TSGA10: variants seen among roughly 807,000 people sequenced by gnomAD.
TSGA10 encodes the protein testis-specific gene 10 protein.
Under a neutral mutation model 96.6 loss-of-function variants are expected in TSGA10, and 43 were observed. The observed-to-expected ratio is 0.44, with a 90% confidence interval of 0.35 to 0.57. The LOEUF is 0.57. TSGA10 is among the 20% of genes least tolerant of loss of function. The probability of loss-of-function intolerance (pLI) is 0.01; values close to 1 mark genes in which losing one functional copy is unlikely to be tolerated. For synonymous variants in TSGA10, 229 were observed against 269.9 expected (o/e 0.85, Z 1.48); for missense variants, 703 against 834.4 (o/e 0.84, Z 1.94).
intron 1 of TSGA10, among the ~76,000 whole-genome samples, chr2:99,133,957 T>G (rs1347927635): frequency 6.6e-6 from 1 of 152,244 alleles, no homozygotes; most frequent in East Asian, 1.9e-4. Flanking sequence ...AGACCCAATG[T>G]TAGTCTGATA....
intron 1 of TSGA10, 150 bp from the exon 2 acceptor site, chr2:99,127,326 T>G: frequency 1.6e-6 from 1 of 640,756 alleles, no homozygotes; most frequent in South Asian, 2.4e-5. Flanking sequence ...AAACTTTACC[T>G]TCTTAAAATT....
intron 2 of TSGA10, among the ~76,000 whole-genome samples, chr2:99,121,378 G>A (rs2092561336): frequency 1.7e-4 from 1 of 5,808 alleles, no homozygotes; most frequent in Admixed American, 1.6e-3. Flanking sequence ...ATTTCATCAT[G>A]GCCTTAATTT....
chr2:99,053,131 A>G (rs893176723), intron 16 of TSGA10, among the ~76,000 whole-genome samples: 2 of 152,168 alleles, frequency 1.3e-5, no homozygotes, highest in African/African-American at 2.4e-5. Flanking sequence ...CATCAAAAAA[A>G]AGCTCAAGAC....
At chr2:99,141,259 G>T (rs1217023560) in intron 1 of TSGA10, 14 of 860,938 alleles carry the variant, frequency 1.6e-5, no homozygotes, top group Middle Eastern at 2.9e-4. Flanking sequence ...CCGGCGGATC[G>T]GAGGAAGGAC....
chr2:99,042,077 C>G (rs1025375556), intron 16 of TSGA10, among the ~76,000 whole-genome samples: 8 of 140,302 alleles, frequency 5.7e-5, no homozygotes, highest in African/African-American at 2.2e-4. Context: ...GGGTCTTACT[C>G]TGTTGCCCAG....
intron 1 of TSGA10, chr2:99,150,592 G>A (rs773115652): frequency 3.1e-6 from 5 of 1,613,406 alleles, no homozygotes; most frequent in Admixed American, 1.7e-5. Context: ...TGCTACTCAG[G>A]TATCTGCTAT....
At chr2:99,074,161 C>T (rs1340217907) in intron 12 of TSGA10, among the ~76,000 whole-genome samples, 2 of 151,442 alleles carry the variant, frequency 1.3e-5, no homozygotes, top group Non-Finnish European at 2.9e-5. Context: ...TACAGGCATG[C>T]GCCACCATGC....
intron 10 of TSGA10, among the ~76,000 whole-genome samples, chr2:99,086,324 A>G (rs2088377988): frequency 1.3e-5 from 2 of 152,236 alleles, no homozygotes; most frequent in African/African-American, 2.4e-5. Context: ...GAAAGCATAA[A>G]CATGTATGTT....
At chr2:99,087,301 G>A (rs1429130256) in intron 10 of TSGA10, among the ~76,000 whole-genome samples, 1 of 152,068 alleles carries the variant, frequency 6.6e-6, no homozygotes, top group Non-Finnish European at 1.5e-5. Flanking sequence ...GCAGTCAGGA[G>A]TTCGAAACCA....
At chr2:99,029,937 T>C (rs150660823) in intron 17 of TSGA10, among the ~76,000 whole-genome samples, 10 of 152,362 alleles carry the variant, frequency 6.6e-5, no homozygotes, top group African/African-American at 2.2e-4. Flanking sequence ...AAAACTGTTC[T>C]TATTTTCAGA....
At chr2:99,001,330 G>A (rs918202726) in intron 20 of TSGA10, among the ~76,000 whole-genome samples, 22 of 152,266 alleles carry the variant, frequency 1.4e-4, no homozygotes, top group Admixed American at 2.0e-4. Context: ...TGGTGATACC[G>A]AGGCAAACAG....
At chr2:99,052,063 AC>A (rs1255146074) in intron 16 of TSGA10, among the ~76,000 whole-genome samples, 3 of 151,890 alleles carry the variant, frequency 2.0e-5, no homozygotes, top group Non-Finnish European at 4.4e-5. Flanking sequence ...ACTTCTTAAG[AC>A]ACTAAAAAAG....
chr2:99,119,391 A>T (rs900199810), intron 2 of TSGA10, among the ~76,000 whole-genome samples: 1 of 152,166 alleles, frequency 6.6e-6, no homozygotes, highest in Non-Finnish European at 1.5e-5. Context: ...TTGCCTCATG[A>T]CACTGAGAAT....
intron 1 of TSGA10, chr2:99,140,992 G>T: frequency 2.0e-6 from 2 of 1,010,906 alleles, no homozygotes; most frequent in Non-Finnish European, 2.6e-6. Flanking sequence ...CCCCGCACCC[G>T]CCACTCCTGC....
intron 4 of TSGA10, among the ~76,000 whole-genome samples, chr2:99,112,564 G>A (rs1429154509): frequency 2.0e-5 from 3 of 151,964 alleles, no homozygotes; most frequent in African/African-American, 7.2e-5. Context: ...GGTGACCTTT[G>A]ACCAAAAACT....
At chr2:99,139,273 T>G (rs1434527459) in intron 1 of TSGA10, among the ~76,000 whole-genome samples, 1 of 151,198 alleles carries the variant, frequency 6.6e-6, no homozygotes, top group East Asian at 1.9e-4. Context: ...AAAAAAAAGG[T>G]AAGTGTCATG....
intron 16 of TSGA10, among the ~76,000 whole-genome samples, chr2:99,053,088 T>G (rs1468513422): frequency 6.6e-6 from 1 of 151,704 alleles, no homozygotes; most frequent in East Asian, 1.9e-4. Flanking sequence ...AATAGTGTAT[T>G]CCTGATAGTT....
chr2:99,022,256 T>G (rs1390963026), intron 17 of TSGA10, among the ~76,000 whole-genome samples: 2 of 143,480 alleles, frequency 1.4e-5, no homozygotes, highest in Non-Finnish European at 3.0e-5. Context: ...AGCCCAGAAG[T>G]TGAGGATACA....
At chr2:99,136,441 G>C (rs1166344362) in intron 1 of TSGA10, among the ~76,000 whole-genome samples, 1 of 152,148 alleles carries the variant, frequency 6.6e-6, no homozygotes, top group Non-Finnish European at 1.5e-5. Flanking sequence ...ACCACAGCAT[G>C]ATTACTGCTA....
Sources: allele counts gnomAD v4.1 joint callset (sites outside exome capture counted in the v4.1 genomes callset), GRCh38; gene constraint gnomAD v4.1.1; transcripts MANE v1.5; gene names NCBI Gene and HGNC (gene_info 2026-07-23, HGNC 2026-07-21).